The following GALNT16 variants were observed in gnomAD, a reference collection of about 807,000 sequenced individuals.
The protein encoded by GALNT16 is UDP-GalNAc:polypeptide N-acetylgalactosaminyltransferase-like protein 1.
In GALNT16, 40 loss-of-function variants were observed where a neutral mutation model predicts 76.1. The ratio of observed to expected loss-of-function variants is 0.53; its 90% confidence interval spans 0.41 to 0.68. The LOEUF is 0.68. Among genes scored for constraint, GALNT16 ranks in the 30% least tolerant of loss-of-function variants. The pLI is 0.00. For synonymous variants in GALNT16, 276 were observed against 285.2 expected (o/e 0.97, Z 0.32); for missense variants, 621 against 731.9 (o/e 0.85, Z 1.75).
At chr14:69,262,152 C>G (rs2044283162) in intron 1 of GALNT16, among the ~76,000 whole-genome samples, 1 of 152,184 alleles carries the variant, frequency 6.6e-6, no homozygotes, top group Non-Finnish European at 1.5e-5. Flanking sequence ...GATGCTCTGT[C>G]CCTCTTTCTG....
the GALNT16 span, among the ~76,000 whole-genome samples, chr14:69,385,271 T>C: frequency 3.9e-5 from 6 of 152,220 alleles, no homozygotes; most frequent in African/African-American, 1.4e-4. Flanking sequence ...CACTATCAGA[T>C]AGGTACTTTG....
chr14:69,286,881 G>A (rs2044620518), intron 1 of GALNT16, among the ~76,000 whole-genome samples: 1 of 152,096 alleles, frequency 6.6e-6, no homozygotes, highest in Non-Finnish European at 1.5e-5. Context: ...AAATGTCGAT[G>A]TTTTAATAAA....
At chr14:69,288,969 C>G (rs573607416) in intron 1 of GALNT16, among the ~76,000 whole-genome samples, 177 of 152,144 alleles carry the variant, frequency 1.2e-3, no homozygotes, top group Non-Finnish European at 2.3e-3. Context: ...CCTCAACCTC[C>G]TGAGCTCAAG....
chr14:69,355,256 G>A (rs1270190526), downstream of GALNT16: 1 of 152,290 alleles, frequency 6.6e-6, no homozygotes, highest in African/African-American at 2.4e-5. Context: ...TGGGCCTGAG[G>A]AGCCTGGAGC....
chr14:69,290,257 T>G (rs1335704883), intron 1 of GALNT16, among the ~76,000 whole-genome samples: 1 of 152,208 alleles, frequency 6.6e-6, no homozygotes, highest in Non-Finnish European at 1.5e-5. Context: ...CTTTGCAAGG[T>G]TCTTAGGAGG....
At chr14:69,334,778 C>T (rs1004561718) in intron 9 of GALNT16, among the ~76,000 whole-genome samples, 1 of 152,188 alleles carries the variant, frequency 6.6e-6, no homozygotes, top group Non-Finnish European at 1.5e-5. Flanking sequence ...TCCCTGTCTG[C>T]CTGAGGAAGG....
At chr14:69,287,713 C>A (rs1432468683) in intron 1 of GALNT16, among the ~76,000 whole-genome samples, 1 of 152,210 alleles carries the variant, frequency 6.6e-6, no homozygotes, top group African/African-American at 2.4e-5. Flanking sequence ...GCCAGCACAG[C>A]CAACACGGAG....
chr14:69,326,066 T>G (rs773416018), intron 5 of GALNT16, 39 bp downstream of exon 5: 1 of 1,506,538 alleles, frequency 6.6e-7, no homozygotes, highest in Non-Finnish European at 9.2e-7. Flanking sequence ...AGGGCCCATC[T>G]TGGTGTCATC....
chr14:69,334,374 G>A (rs773881104), intron 9 of GALNT16, among the ~76,000 whole-genome samples: 63 of 152,364 alleles, frequency 4.1e-4, no homozygotes, highest in Non-Finnish European at 7.8e-4. Context: ...ACTCCAGTAT[G>A]TGTGGGCTGG....
At chr14:69,328,381 A>G (rs2045311058) in intron 5 of GALNT16, 69 bp from the exon 6 acceptor site, 3 of 1,540,256 alleles carry the variant, frequency 1.9e-6, no homozygotes, top group South Asian at 1.2e-5. Flanking sequence ...GAGCCTTGGG[A>G]CTTTGGGGGA....
upstream of GALNT16, chr14:69,259,731 C>G (rs1264599955): frequency 1.3e-5 from 2 of 153,574 alleles, no homozygotes; most frequent in Non-Finnish European, 2.9e-5. Context: ...AACTGCAGCT[C>G]GCGGCGCGGG....
chr14:69,324,337 C>G lies in GALNT16; in HGVS notation c.336-355C>G, dbSNP rs545993118. On this transcript the variant is annotated intron_variant, in intron 2 of 14. Coordinates refer to ENST00000448469, the MANE Select transcript of GALNT16 (RefSeq NM_001168368.2). Reference sequence around the variant, plus strand: ...GTAGTTTTCCCTCTCGCACATACCCCCCACCATACGACAGAGTGTGGTCAG... The same window carrying G: ...GTAGTTTTCCCTCTCGCACATACCCGCCACCATACGACAGAGTGTGGTCAG... Among the ~76,000 whole-genome samples the G allele has an allele frequency of 4.3e-4, 65 of 152,194 alleles. No individual in the cohort carries two copies. The South Asian group carries it at 7.5e-3, about 17-fold the overall frequency.
At position 69,354,362 on chromosome 14, in the gene GALNT16, G is replaced by C. The variant is rs564261446; in HGVS notation, c.*2194G>C. 7.2e-5 allele frequency: 11 copies of C among 152,958 alleles called. No homozygotes were observed. Among genetic ancestry groups the C allele is most frequent in the African/African-American group, 2.4e-4 (10 of 41,586 alleles). The allele number at this position is 152,958 out of a possible 1,614,324, so 9.5% of individuals were successfully genotyped here. On this transcript the variant is annotated 3_prime_UTR_variant, in exon 15 of 15. Transcript: ENST00000448469. Reference sequence around the variant, plus strand: ...CTTTGTGGCAACGCAGCCCTGTTCTGTTTTTGCTTTTCCTCTTCTTGACCA... The same window carrying C: ...CTTTGTGGCAACGCAGCCCTGTTCTCTTTTTGCTTTTCCTCTTCTTGACCA...
chr14:69,316,782 G>GGGGGC (rs1566877290), intron 1 of GALNT16, among the ~76,000 whole-genome samples: 82 of 139,616 alleles, frequency 5.9e-4, no homozygotes, highest in Middle Eastern at 3.8e-3. Context: ...TGTGAGGGGG[G>GGGGGC]GGGGCACTGA....
At chr14:69,285,064 G>A (rs925371386) in intron 1 of GALNT16, among the ~76,000 whole-genome samples, 47 of 130,104 alleles carry the variant, frequency 3.6e-4, no homozygotes, top group African/African-American at 1.0e-3. Context: ...TTTTTGAGAC[G>A]GAGTGTCGCT....
At chr14:69,288,267 C>T (rs898893720) in intron 1 of GALNT16, among the ~76,000 whole-genome samples, 2 of 152,204 alleles carry the variant, frequency 1.3e-5, no homozygotes, top group African/African-American at 4.8e-5. Context: ...GGCCTCCTGG[C>T]TTCCAGCATC....
At chr14:69,322,202 G>A (rs974348857) in intron 2 of GALNT16, among the ~76,000 whole-genome samples, 25 of 152,362 alleles carry the variant, frequency 1.6e-4, no homozygotes, top group East Asian at 1.9e-4. Context: ...CCTGCTTCGC[G>A]GCAAGGACAC....
chr14:69,366,207 T>C, the GALNT16 span, among the ~76,000 whole-genome samples: 3 of 152,166 alleles, frequency 2.0e-5, no homozygotes, highest in African/African-American at 7.2e-5. Context: ...GCAGCATGGG[T>C]AGAGTGGATG....
chr14:69,348,003 G>A lies in GALNT16; in HGVS notation c.1539+1G>A. On this transcript the variant is annotated splice_donor_variant, in intron 14 of 14. Coordinates refer to ENST00000448469, the MANE Select transcript of GALNT16 (RefSeq NM_001168368.2). LOFTEE classifies it high-confidence loss of function. ...GTGCAACCCTAGAGAAGGCAAGCAG[G>A]TGAGTCTCCTTGCCTCTGGCCCAGA... 1 of 1,614,006 alleles carries A rather than the reference G, an allele frequency of 6.2e-7. No homozygotes were observed. The highest frequency in any genetic ancestry group is 8.5e-7 in the Non-Finnish European group (1 of 1,179,976).
Sources: allele counts gnomAD v4.1 joint callset (sites outside exome capture counted in the v4.1 genomes callset), GRCh38; gene constraint gnomAD v4.1.1; transcripts MANE v1.5; gene names NCBI Gene and HGNC (gene_info 2026-07-23, HGNC 2026-07-21).